The following KCNC2 variants were observed in gnomAD, a reference collection of about 807,000 sequenced individuals.
KCNC2 encodes voltage-gated potassium channel KCNC2.
Under a neutral mutation model 44.5 loss-of-function variants are expected in KCNC2, and 21 were observed. That is an observed-to-expected ratio of 0.47 (90% CI 0.33 to 0.68). The LOEUF (loss-of-function observed/expected upper bound fraction) is 0.68, where lower values mean the gene tolerates loss of function less well. Among genes scored for constraint, KCNC2 ranks in the 30% least tolerant of loss-of-function variants. KCNC2 has a pLI of 0.01. For missense variants in KCNC2, 589 were observed against 826.2 expected (o/e 0.71, Z 3.52); for synonymous variants, 391 against 339.1 (o/e 1.15, Z -1.68).
At chr12:75,112,838 A>C (rs1198792790) in intron 2 of KCNC2, among the ~76,000 whole-genome samples, 1 of 152,140 alleles carries the variant, frequency 6.6e-6, no homozygotes, top group Admixed American at 6.5e-5. Context: ...ATAAACACTG[A>C]TTAAAAAGTC....
chr12:75,146,547 C>T (rs1890042075), intron 2 of KCNC2, among the ~76,000 whole-genome samples: 1 of 152,014 alleles, frequency 6.6e-6, no homozygotes, highest in Admixed American at 6.6e-5. Flanking sequence ...TTCTTTAATC[C>T]ATCTCTGAAA....
chr12:75,180,526 T>C (rs1373338517), intron 2 of KCNC2, among the ~76,000 whole-genome samples: 1 of 151,928 alleles, frequency 6.6e-6, no homozygotes, highest in African/African-American at 2.4e-5. Flanking sequence ...CCTTATGATG[T>C]ATATTGATTT....
rs1187345430 is a variant in KCNC2 at position 75,041,520 on chromosome 12, T to A, written c.*1585A>T. 2 of 1,149,160 alleles carry A rather than the reference T, an allele frequency of 1.7e-6. No individual in the cohort carries two copies. Among genetic ancestry groups the A allele is most frequent in the Admixed American group, 3.9e-5 (1 of 25,748 alleles). The allele number at this position is 1,149,160 out of a possible 1,614,324, so 71.2% of individuals were successfully genotyped here. A position where few individuals can be genotyped will look rare whatever the true frequency, so the allele number is the denominator to read the frequency against. On this transcript the variant is annotated 3_prime_UTR_variant, in exon 5 of 5. Transcript: ENST00000549446. ...AGGCTCCCAAATGCCTTAGTGATAT[T>A]ATTTATCCCTCTATTTATATTACGG... is the stretch of plus-strand genomic sequence containing the variant.
At chr12:75,082,212 G>A (rs537102158) in intron 2 of KCNC2, among the ~76,000 whole-genome samples, 80 of 151,836 alleles carry the variant, frequency 5.3e-4, no homozygotes, top group African/African-American at 1.9e-3. Context: ...ATTAACTTAG[G>A]AAGTTTTAAA....
At position 75,050,789 on chromosome 12, in the gene KCNC2, C is replaced by T; in HGVS notation, c.1216G>A (p.Val406Met). 3 of 1,613,546 alleles carry T rather than the reference C, an allele frequency of 1.9e-6. No homozygotes were observed. Among genetic ancestry groups the T allele is most frequent in the African/African-American group, 1.3e-5 (1 of 74,922 alleles). ...FATMIYYAER[V>M]GAQPNDPSAS... ...GAAGGGTCGTTAGGTTGAGCTCCCA[C>T]TCTCTCGGCATAGTAGATCATGGTA... is the stretch of plus-strand genomic sequence containing the variant. Residue 406 changes from valine (V) to methionine (M), a missense_variant, in exon 3 of 5, where the codon GTG becomes ATG. This residue lies in a region of KCNC2 where 67 missense variants were observed against 237.4 expected (regional missense o/e 0.28). Transcript: ENST00000549446.
intron 2 of KCNC2, among the ~76,000 whole-genome samples, chr12:75,127,830 A>G (rs551523364): frequency 6.6e-6 from 1 of 152,300 alleles, no homozygotes; most frequent in South Asian, 2.1e-4. Flanking sequence ...GTGTCATAGC[A>G]ATGAAAATAT....
intron 2 of KCNC2, among the ~76,000 whole-genome samples, chr12:75,201,574 G>A (rs2031280154): frequency 6.6e-6 from 1 of 151,794 alleles, no homozygotes; most frequent in Non-Finnish European, 1.5e-5. Context: ...CAAGACTGGA[G>A]CGTAGGTCTC....
intron 2 of KCNC2, among the ~76,000 whole-genome samples, chr12:75,086,735 C>A (rs943458115): frequency 2.1e-5 from 3 of 141,014 alleles, no homozygotes; most frequent in Non-Finnish European, 3.0e-5. Context: ...TATATAAATA[C>A]AGAGACATAG....
chr12:75,043,262 G>A (rs1880120712), intron 4 of KCNC2, 21 bp from the exon 5 acceptor site: 1 of 1,611,078 alleles, frequency 6.2e-7, no homozygotes, highest in South Asian at 1.1e-5. Flanking sequence ...AAAATGCACA[G>A]ACATCAGTTG....
At position 75,051,104 on chromosome 12, in the gene KCNC2, T is replaced by C; in HGVS notation, c.901A>G (p.Ile301Val). The C allele has an allele frequency of 6.2e-7, 1 of 1,613,618 alleles. No individual in the cohort carries two copies. Among genetic ancestry groups the C allele is most frequent in the Non-Finnish European group, 8.5e-7 (1 of 1,179,700 alleles). Reference sequence around the variant, plus strand: ...TCAAGTTTATTGGGTGAAAAAACAATACGGACTAAAAATTCAAAAGTAAAC... The same window carrying C: ...TCAAGTTTATTGGGTGAAAAAACAACACGGACTAAAAATTCAAAAGTAAAC... ...VWFTFEFLVR[I>V]VFSPNKLEFI... The change falls in exon 3 of 5, where the codon ATT becomes GTT. Residue 301 changes from isoleucine (I) to valine (V), a missense_variant. Transcript: ENST00000549446.
At chr12:75,162,823 C>T (rs1891207866) in intron 2 of KCNC2, among the ~76,000 whole-genome samples, 1 of 151,738 alleles carries the variant, frequency 6.6e-6, no homozygotes, top group Admixed American at 6.6e-5. Flanking sequence ...GTAATATTTT[C>T]AGCTCCTTTG....
chr12:75,147,728 A>G (rs564265311), intron 2 of KCNC2, among the ~76,000 whole-genome samples: 54 of 152,272 alleles, frequency 3.5e-4, no homozygotes, highest in Non-Finnish European at 1.2e-4. Context: ...ATGGAAAAAG[A>G]CATGGATAGA....
At chr12:75,182,520 C>CAAAAAAA (rs71438888) in intron 2 of KCNC2, among the ~76,000 whole-genome samples, 3 of 81,424 alleles carry the variant, frequency 3.7e-5, no homozygotes, top group African/African-American at 8.1e-5. Context: ...GATTCCGTCT[C>CAAAAAAA]AAAAAAAAAA....
intron 2 of KCNC2, among the ~76,000 whole-genome samples, chr12:75,183,577 T>C (rs979333190): frequency 6.6e-6 from 1 of 152,204 alleles, no homozygotes; most frequent in African/African-American, 2.4e-5. Context: ...AAAATTTTTG[T>C]AAGATCTTAT....
intron 2 of KCNC2, among the ~76,000 whole-genome samples, chr12:75,082,141 C>T (rs1884570196): frequency 1.7e-5 from 1 of 59,912 alleles, no homozygotes; most frequent in Non-Finnish European, 3.4e-5. Context: ...TGTTTGCTGA[C>T]AACTTTTAGA....
At chr12:75,158,337 A>G (rs935728176) in intron 2 of KCNC2, among the ~76,000 whole-genome samples, 2 of 151,934 alleles carry the variant, frequency 1.3e-5, no homozygotes, top group African/African-American at 4.8e-5. Context: ...AGCTTTATGG[A>G]CAATTTTAAT....
In KCNC2 at chr12:75,179,526, T is replaced by C. The variant is rs77804617; in HGVS notation, c.687+27771A>G. The stretch of plus-strand genomic sequence containing the variant: ...TTTTTTTATTTCCGAAACCTACTGA[T>C]GTATTTTGGCTAATTTATGCATGTT... On this transcript the variant is annotated intron_variant, in intron 2 of 4. Coordinates refer to ENST00000549446, the MANE Select transcript of KCNC2 (RefSeq NM_139137.4). 1.0e-3 allele frequency among the ~76,000 whole-genome samples: 157 copies of C among 151,686 alleles called. 6 individuals are homozygous for C. In the East Asian group the frequency reaches 0.029, roughly 28 times the overall value.
At chr12:75,091,564 C>T (rs192858582) in intron 2 of KCNC2, among the ~76,000 whole-genome samples, 27 of 151,700 alleles carry the variant, frequency 1.8e-4, no homozygotes, top group Non-Finnish European at 2.8e-4. Flanking sequence ...CGAAACCTAG[C>T]GGGAAAGTTG....
At chr12:75,194,423 A>G (rs889327749) in intron 2 of KCNC2, among the ~76,000 whole-genome samples, 1 of 152,170 alleles carries the variant, frequency 6.6e-6, no homozygotes, top group African/African-American at 2.4e-5. Flanking sequence ...ATTATCTTTT[A>G]GAACCAGTAG....
Sources: allele counts gnomAD v4.1 joint callset (sites outside exome capture counted in the v4.1 genomes callset), GRCh38; gene constraint gnomAD v4.1.1; regional missense constraint gnomAD v4.1.1; transcripts MANE v1.5; gene names NCBI Gene and HGNC (gene_info 2026-07-23, HGNC 2026-07-21).